Variants in ITGA8 observed in about 807,000 individuals in gnomAD.
ITGA8 encodes the protein integrin alpha-8.
ITGA8 carries 91 observed loss-of-function variants against 142.3 expected under a neutral mutation model. The ratio of observed to expected loss-of-function variants is 0.64; its 90% confidence interval spans 0.54 to 0.76. ITGA8 has a LOEUF of 0.76. ITGA8 is among the 30% of genes least tolerant of loss of function. The probability of loss-of-function intolerance (pLI) is 0.00; values close to 1 mark genes in which losing one functional copy is unlikely to be tolerated. For synonymous variants in ITGA8, 505 were observed against 485.2 expected (o/e 1.04, Z -0.54); for missense variants, 1,406 against 1,327.7 (o/e 1.06, Z -0.92).
intron 15 of ITGA8, among the ~76,000 whole-genome samples, chr10:15,610,448 A>G (rs1433116211): frequency 6.6e-6 from 1 of 152,206 alleles, no homozygotes; most frequent in Non-Finnish European, 1.5e-5. Context: ...ATTTCAAACT[A>G]GAAATATTGG....
intron 8 of ITGA8, 54 bp downstream of exon 8, chr10:15,671,548 AT>A: frequency 6.8e-7 from 1 of 1,462,960 alleles, no homozygotes; most frequent in Admixed American, 1.7e-5. Flanking sequence ...TTTATATGCC[AT>A]TTTACCATTT....
rs142755007 is a variant in ITGA8 at position 15,681,527 on chromosome 10, A to T, written c.568+2477T>A. Among the ~76,000 whole-genome samples, 1,172 of 152,280 alleles carry T rather than the reference A, an allele frequency of 7.7e-3. 16 individuals carry two copies. The highest frequency in any genetic ancestry group is 0.026 in the African/African-American group (1,090 of 41,554). Reference sequence around the variant, plus strand: ...GCAAATGTACATTAGTGTACTTTTTAAAAAAATGGTTCAAACTCACTCTGA... The same window carrying T: ...GCAAATGTACATTAGTGTACTTTTTTAAAAAATGGTTCAAACTCACTCTGA... On this transcript the variant is annotated intron_variant, in intron 4 of 29. Transcript: ENST00000378076.
intron 2 of ITGA8, among the ~76,000 whole-genome samples, chr10:15,717,503 A>C (rs1011478419): frequency 5.9e-5 from 9 of 152,204 alleles, no homozygotes; most frequent in Non-Finnish European, 1.2e-4. Context: ...TTCTGTCACA[A>C]ATTAACATCA....
At chr10:15,518,897 G>A (rs1833008721) in intron 29 of ITGA8, among the ~76,000 whole-genome samples, 2 of 152,280 alleles carry the variant, frequency 1.3e-5, no homozygotes, top group South Asian at 4.1e-4. Context: ...AAATGTCAAA[G>A]GATTGATGAT....
intron 8 of ITGA8, among the ~76,000 whole-genome samples, chr10:15,666,101 C>A (rs1162199991): frequency 6.6e-6 from 1 of 152,158 alleles, no homozygotes; most frequent in Non-Finnish European, 1.5e-5. Context: ...CTATAAATTA[C>A]CTTGGGCAGT....
rs781211966 is a variant in ITGA8 at position 15,602,736 on chromosome 10, TC to T, written c.2118+1471del. Among the ~76,000 whole-genome samples, 270 of 119,786 alleles carry T rather than the reference TC, an allele frequency of 2.3e-3. 1 individual carries two copies. Among genetic ancestry groups the T allele is most frequent in the Non-Finnish European group, 2.8e-3 (142 of 51,320 alleles). 78.6% of individuals were successfully genotyped at this position (119,786 alleles called of 152,430 possible). A position where few individuals can be genotyped will look rare whatever the true frequency, so the allele number is the denominator to read the frequency against. On this transcript the variant is annotated intron_variant, in intron 20 of 29. Transcript: ENST00000378076. ...CTGGGAAACAGAGCAAGACCCTGTCTCAAAAAAAAAAATACAAGAAAGAAGA... is the reference window on the plus strand; with the variant it reads ...CTGGGAAACAGAGCAAGACCCTGTCTAAAAAAAAAAATACAAGAAAGAAGA...
At chr10:15,540,227 A>G (rs1017888343) in intron 27 of ITGA8, among the ~76,000 whole-genome samples, 8 of 152,204 alleles carry the variant, frequency 5.3e-5, no homozygotes, top group Admixed American at 3.3e-4. Context: ...ACTACTGACT[A>G]TCAGAACTTA....
At chr10:15,628,324 GTTTTTTTTTTTTTTT>G (rs4030578) in intron 13 of ITGA8, among the ~76,000 whole-genome samples, 1 of 61,578 alleles carries the variant, frequency 1.6e-5, no homozygotes, top group African/African-American at 6.8e-5. Flanking sequence ...ATTTATTTTG[GTTTTTTTTTTTTTTT>G]TTTTTTTTTT....
At chr10:15,547,781 C>T (rs1417735735) in intron 27 of ITGA8, among the ~76,000 whole-genome samples, 2 of 152,156 alleles carry the variant, frequency 1.3e-5, no homozygotes, top group Admixed American at 6.5e-5. Flanking sequence ...CCTTTCCCTT[C>T]TAAATTGATT....
chr10:15,538,530 A>T (rs12778998), intron 27 of ITGA8, among the ~76,000 whole-genome samples: 1,549 of 148,740 alleles, frequency 0.01, 33 homozygotes, highest in African/African-American at 0.038. Context: ...AAAAAAAAAA[A>T]ACTATAGTTA....
At chr10:15,622,363 T>C (rs1833505604) in intron 13 of ITGA8, among the ~76,000 whole-genome samples, 1 of 151,698 alleles carries the variant, frequency 6.6e-6, no homozygotes, top group African/African-American at 2.4e-5. Context: ...CATCTTCTTT[T>C]TTTTGGAATT....
chr10:15,638,617 A>C (rs1162763638), intron 13 of ITGA8, among the ~76,000 whole-genome samples: 1 of 152,188 alleles, frequency 6.6e-6, no homozygotes, highest in Non-Finnish European at 1.5e-5. Context: ...ATTGCTGTTG[A>C]TAAGTGTGGC....
intron 11 of ITGA8, among the ~76,000 whole-genome samples, chr10:15,653,348 T>A (rs1564393457): frequency 6.6e-6 from 1 of 152,114 alleles, no homozygotes; most frequent in African/African-American, 2.4e-5. Flanking sequence ...TAATAGACTT[T>A]TTTTTTAGAG....
At chr10:15,552,510 G>A (rs932760411) in intron 26 of ITGA8, among the ~76,000 whole-genome samples, 9 of 152,150 alleles carry the variant, frequency 5.9e-5, no homozygotes, top group African/African-American at 1.9e-4. Flanking sequence ...TTTTCCCATT[G>A]GTACTGCATA....
intron 8 of ITGA8, among the ~76,000 whole-genome samples, chr10:15,662,420 C>T (rs1018987917): frequency 2.1e-5 from 3 of 145,986 alleles, no homozygotes; most frequent in Non-Finnish European, 3.0e-5. Flanking sequence ...CTCACTGCAG[C>T]CTCAACCTCC....
chr10:15,546,518 G>C (rs1014815694), intron 27 of ITGA8, among the ~76,000 whole-genome samples: 1 of 152,162 alleles, frequency 6.6e-6, no homozygotes, highest in Non-Finnish European at 1.5e-5. Context: ...AGAGAATTTT[G>C]GTTGTCACAC....
chr10:15,520,582 T>C (rs375179424), intron 28 of ITGA8, among the ~76,000 whole-genome samples: 92 of 152,352 alleles, frequency 6.0e-4, no homozygotes, highest in African/African-American at 1.8e-3. Flanking sequence ...GCACTTCTAT[T>C]GCTCCTGTGT....
intron 4 of ITGA8, among the ~76,000 whole-genome samples, chr10:15,683,673 T>G (rs945258538): frequency 6.6e-6 from 1 of 152,194 alleles, no homozygotes; most frequent in African/African-American, 2.4e-5. Flanking sequence ...AATAAACAAA[T>G]AAAGTGGGCA....
At chr10:15,692,172 A>C (rs902729647) in intron 2 of ITGA8, among the ~76,000 whole-genome samples, 8 of 151,914 alleles carry the variant, frequency 5.3e-5, no homozygotes, top group African/African-American at 1.9e-4. Flanking sequence ...AACTCAAGCG[A>C]TCTTCCCACC....
Sources: gnomAD v4.1 joint callset for allele counts (sites outside exome capture counted in the v4.1 genomes callset) on GRCh38, gnomAD v4.1.1 for gene constraint, MANE v1.5 for transcripts, NCBI Gene and HGNC (gene_info 2026-07-23, HGNC 2026-07-21) for gene names.